PLEKHF1: variants seen among roughly 807,000 people sequenced by gnomAD.
PLEKHF1 encodes pleckstrin homology and FYVE domain containing 1.
In PLEKHF1, 1 loss-of-function variant was observed where a neutral mutation model predicts 4.1. That is an observed-to-expected ratio of 0.24 (90% CI 0.09 to 1.15). The LOEUF (loss-of-function observed/expected upper bound fraction) is 1.15, where lower values mean the gene tolerates loss of function less well. PLEKHF1 is among the 50% of genes most tolerant of loss of function. PLEKHF1 has a pLI of 0.52. For missense variants in PLEKHF1, 429 were observed against 400.6 expected, an observed-to-expected ratio of 1.07 and a Z score of -0.60; for synonymous variants, 182 against 178.5, an observed-to-expected ratio of 1.02 and a Z score of -0.16.
intron 1 of PLEKHF1, among the ~76,000 whole-genome samples, chr19:29,666,162 T>C (rs1599506726): frequency 6.7e-6 from 1 of 149,244 alleles, no homozygotes; most frequent in Admixed American, 6.6e-5. Context: ...GGCAGAGGTG[T>C]GGTCAGCCTC....
intron 1 of PLEKHF1, among the ~76,000 whole-genome samples, chr19:29,670,920 C>A (rs1408771994): frequency 6.6e-6 from 1 of 152,142 alleles, no homozygotes; most frequent in African/African-American, 2.4e-5. Context: ...ATGATCCCCC[C>A]TCCTCGGCCT....
intron 1 of PLEKHF1, among the ~76,000 whole-genome samples, chr19:29,672,209 G>A (rs1264577776): frequency 1.3e-5 from 2 of 152,124 alleles, no homozygotes; most frequent in Non-Finnish European, 2.9e-5. Context: ...TTTCTACAAA[G>A]GGCCAGGTGG....
chr19:29,665,585 G>A (rs1222687792), intron 1 of PLEKHF1, 80 bp downstream of exon 1: 1 of 1,234,686 alleles, frequency 8.1e-7, no homozygotes, highest in Non-Finnish European at 1.0e-6. Flanking sequence ...CACCACCCCC[G>A]GACAAGCGAG....
rs772412793 is a variant in PLEKHF1 at position 29,673,922 on chromosome 19, C to G, written c.83C>G (p.Pro28Arg). 6.2e-7 allele frequency: 1 copy of G among 1,612,982 alleles called. No individual in the cohort carries two copies. The highest frequency in any genetic ancestry group is 1.7e-5 in the Admixed American group (1 of 59,970). The change falls in exon 2 of 2, where the codon CCG becomes CGG. Residue 28 changes from proline (P) to arginine (R), a missense_variant. By Grantham distance (103) the Pro-to-Arg change is moderately radical. Transcript: ENST00000436066. ...VESCFGASGQ[P>R]LALPGRVLLG... is the part of the protein sequence containing the mutation. ...AGCTGCTTCGGGGCCTCGGGGCAGC[C>G]GCTGGCGCTGCCAGGCCGAGTGCTG...
chr19:29,665,723 G>A (rs1238912556), intron 1 of PLEKHF1: 3 of 1,096,288 alleles, frequency 2.7e-6, no homozygotes, highest in Non-Finnish European at 3.4e-6. Context: ...CAGGGAGCCT[G>A]GGGAGAGCGG....
rs1232956204 is a variant in PLEKHF1, at chr19:29,665,527, C to T, written c.-17+22C>T. The stretch of plus-strand genomic sequence containing the variant: ...GAAGGTGAGTCCCCCCACCGTCCCC[C>T]GGCCGGGCTGCGGGTCGCGGGGCAG... On this transcript the variant is annotated intron_variant, in intron 1 of 1. Transcript: ENST00000436066. The T allele has an allele frequency of 3.2e-6, 4 of 1,247,788 alleles. No individual in the cohort carries two copies. In the South Asian group the frequency reaches 5.2e-5, roughly 16 times the overall value. The allele number at this position is 1,247,788 out of a possible 1,614,324, so 77.3% of individuals were successfully genotyped here.
In PLEKHF1 at chr19:29,674,648, CG is replaced by C; in HGVS notation, c.814del (p.Val272TrpfsTer88). 2 of 1,608,888 alleles carry C rather than the reference CG, an allele frequency of 1.2e-6. No individual in the cohort carries two copies. The highest frequency in any genetic ancestry group is 2.2e-5 in the East Asian group (1 of 44,732). On this transcript the variant is annotated frameshift_variant, in exon 2 of 2. Transcript: ENST00000436066. LOFTEE classifies it high-confidence loss of function. ...DWPSSVEFYA[S>X]GVAWSAFHS is the part of the protein sequence containing the mutation. The stretch of plus-strand genomic sequence containing the variant: ...CCCAGCAGCGTGGAGTTCTACGCCT[CG>C]GGGGTGGCCTGGTCTGCCTTCCACA...
chr19:29,666,189 CAG>C (rs10601020), intron 1 of PLEKHF1, among the ~76,000 whole-genome samples: 54,435 of 151,672 alleles, frequency 0.36, 12,609 homozygotes, highest in African/African-American at 0.66. Context: ...GGTGGGAAAG[CAG>C]AGAGGTTCCG....
Position 29,671,540 on chromosome 19 carries a change from T to C in PLEKHF1, c.-16-2284T>C, listed in dbSNP as rs1483270728. ...GAATGCAGTTCTGGTTTTGTCAGAT[T>C]GTCCCTCAGCCAGGTACTCGGTGAT... On this transcript the variant is annotated intron_variant, in intron 1 of 1. Coordinates refer to ENST00000436066, the MANE Select transcript of PLEKHF1 (RefSeq NM_024310.5). The surrounding 1 kb of genome is among the most constrained non-coding windows in gnomAD (Gnocchi z 4.0). Among the ~76,000 whole-genome samples, 1 of 152,192 alleles carries C rather than the reference T, an allele frequency of 6.6e-6. No homozygotes were observed.
chr19:29,673,755 G>A (rs1971656823), intron 1 of PLEKHF1, 69 bp from the exon 2 acceptor site: 1 of 1,538,750 alleles, frequency 6.5e-7, no homozygotes, highest in African/African-American at 1.4e-5. Context: ...TCAGTTGGGG[G>A]TGGGCAGCGT....
At chr19:29,665,692 G>A (rs975163374) in intron 1 of PLEKHF1, 187 bp downstream of exon 1, 28 of 1,113,006 alleles carry the variant, frequency 2.5e-5, no homozygotes, top group Admixed American at 1.1e-4. Flanking sequence ...GCGCTCCTGG[G>A]CGGCTTGCGG....
intron 1 of PLEKHF1, among the ~76,000 whole-genome samples, chr19:29,672,274 C>T (rs998564010): frequency 7.2e-5 from 11 of 152,166 alleles, no homozygotes; most frequent in African/African-American, 2.7e-4. Context: ...CTCAACTCTC[C>T]CATTGCAGTG....
In PLEKHF1 at chr19:29,673,886, C is replaced by T. The variant is rs1971659631; in HGVS notation, c.47C>T (p.Ala16Val). ...ANTEINSQRIAAVESCFGASG... is the reference protein window; with the variant it reads ...ANTEINSQRIVAVESCFGASG... ...ACGGAGATCAACAGCCAGCGCATCG[C>T]GGCAGTGGAGAGCTGCTTCGGGGCC... The change falls in exon 2 of 2, where the codon GCG (alanine) becomes GTG (valine). Residue 16 changes from alanine to valine, a missense_variant. Transcript: ENST00000436066. The T allele has an allele frequency of 6.2e-7, 1 of 1,610,898 alleles. No individual in the cohort carries two copies. The highest frequency in any genetic ancestry group is 1.7e-5 in the Admixed American group (1 of 59,914).
chr19:29,674,697 ATC>A lies in PLEKHF1; in HGVS notation c.*20_*21del, dbSNP rs1971684112. On this transcript the variant is annotated 3_prime_UTR_variant, in exon 2 of 2. Coordinates refer to ENST00000436066, the MANE Select transcript of PLEKHF1 (RefSeq NM_024310.5). ...ACAGCTGACCCCCGGCCTGCAGAAC[ATC>A]TGTCCCCAAGCCAGCTCCACTGCCC... 1 of 1,579,194 alleles carries A rather than the reference ATC, an allele frequency of 6.3e-7. No individual in the cohort carries two copies. Among genetic ancestry groups the A allele is most frequent in the Non-Finnish European group, 8.6e-7 (1 of 1,160,252 alleles).
chr19:29,666,397 C>T (rs1249110050), intron 1 of PLEKHF1, among the ~76,000 whole-genome samples: 1 of 152,228 alleles, frequency 6.6e-6, no homozygotes, highest in East Asian at 1.9e-4. Flanking sequence ...TCTCTGACTT[C>T]GGCCTGCGTC....
chr19:29,668,909 C>A (rs1307108946), intron 1 of PLEKHF1, among the ~76,000 whole-genome samples: 1 of 152,110 alleles, frequency 6.6e-6, no homozygotes, highest in African/African-American at 2.4e-5. Context: ...AACCTGGGAC[C>A]CTCTGCAGGT....
At position 29,671,379 on chromosome 19, in the gene PLEKHF1, C is replaced by T. The variant is rs1372731009; in HGVS notation, c.-16-2445C>T. On this transcript the variant is annotated intron_variant, in intron 1 of 1. Transcript: ENST00000436066. This position sits in a 1 kb window ranked among gnomAD's most constrained non-coding sequence, Gnocchi z 4.0. ...ACAACATTCTACAGGCTGTGTTTTT[C>T]CACTCCACGTTTGTTGTTTGCCGTC... Among the ~76,000 whole-genome samples the T allele has an allele frequency of 2.6e-5, 4 of 152,164 alleles. No individual in the cohort carries two copies. Among genetic ancestry groups the T allele is most frequent in the African/African-American group, 9.7e-5 (4 of 41,440 alleles).
chr19:29,668,941 AGCCCCTG>A (rs898933377), intron 1 of PLEKHF1, among the ~76,000 whole-genome samples: 8 of 152,122 alleles, frequency 5.3e-5, no homozygotes, highest in Admixed American at 2.6e-4. Context: ...GGCACATGTG[AGCCCCTG>A]GCTTCCCCAG....
chr19:29,674,510 G>T lies in PLEKHF1; in HGVS notation c.671G>T (p.Gly224Val), dbSNP rs779979493. 4.1e-5 allele frequency: 64 copies of T among 1,559,290 alleles called. No individual in the cohort carries two copies. The highest frequency in any genetic ancestry group is 1.7e-4 in the Middle Eastern group (1 of 5,876). ...QQRQEEAEEQ[G>V]AGSPGQPAHL... is the part of the protein sequence containing the mutation. ...CGGCAGGAGGAGGCGGAGGAGCAGG[G>T]CGCGGGGTCCCCAGGGCAGCCAGCC... The change falls in exon 2 of 2, where the codon GGC becomes GTC. Residue 224 changes from glycine to valine, a missense_variant. Coordinates refer to ENST00000436066, the MANE Select transcript of PLEKHF1 (RefSeq NM_024310.5).
Sources: gnomAD v4.1 joint callset for allele counts (sites outside exome capture counted in the v4.1 genomes callset) on GRCh38, gnomAD v4.1.1 for gene constraint, Gnocchi (gnomAD v3.1) non-coding constraint, MANE v1.5 for transcripts, NCBI Gene and HGNC (gene_info 2026-07-23, HGNC 2026-07-21) for gene names.